The following SYMPK variants were observed in gnomAD, a reference collection of about 807,000 sequenced individuals.
The protein encoded by SYMPK is symplekin.
A neutral mutation model predicts 136.4 loss-of-function variants in SYMPK; 49 were observed. That is an observed-to-expected ratio of 0.36 (90% CI 0.29 to 0.46). The LOEUF is 0.46. SYMPK is among the 20% of genes least tolerant of loss of function. The pLI is 1.00. For missense variants in SYMPK, 1,365 were observed against 1,690.0 expected (o/e 0.81, Z 3.37); for synonymous variants, 766 against 713.0 (o/e 1.07, Z -1.19).
intron 16 of SYMPK, among the ~76,000 whole-genome samples, chr19:45,826,982 C>T (rs1293322150): frequency 2.0e-5 from 3 of 152,202 alleles, no homozygotes; most frequent in African/African-American, 7.2e-5. Flanking sequence ...CAGGTCTCAG[C>T]GTACAAGTCC....
intron 3 of SYMPK, 88 bp from the exon 4 acceptor site, chr19:45,852,623 G>C (rs991446728): frequency 6.7e-7 from 1 of 1,488,910 alleles, no homozygotes; most frequent in Non-Finnish European, 9.4e-7. Context: ...GGGGAAGACA[G>C]CAGAGGGCTA....
At chr19:45,823,313 G>A in intron 20 of SYMPK, 59 bp downstream of exon 20, 1 of 1,538,414 alleles carries the variant, frequency 6.5e-7, no homozygotes, top group Admixed American at 1.7e-5. Flanking sequence ...GTGCTGCCCT[G>A]CCCCTCCCAG....
chr19:45,824,781 G>A (rs1568610240), intron 18 of SYMPK, among the ~76,000 whole-genome samples: 1 of 152,180 alleles, frequency 6.6e-6, no homozygotes. Flanking sequence ...GACAGCTAAA[G>A]AGTCCCGTTA....
In SYMPK at chr19:45,827,915, GA is replaced by G. The variant is rs1327901656; in HGVS notation, c.1988del (p.Ile663ThrfsTer40). The G allele has an allele frequency of 6.2e-7, 1 of 1,613,686 alleles. No individual in the cohort carries two copies. On this transcript the variant is annotated frameshift_variant and splice_region_variant, in exon 15 of 27. Coordinates refer to ENST00000245934, the MANE Select transcript of SYMPK (RefSeq NM_004819.3). LOFTEE classifies it high-confidence loss of function. ...GCGCCTCCAGCACAACCTTGGTGAA[GA>G]TCCTGCCAGAGATGGAGGGAGGGCC... Reference protein sequence around the residue: ...LQEKPDQKDGIFTKVVLEAPL... With the variant: ...LQEKPDQKDGXFTKVVLEAPL...
chr19:45,854,352 C>CTATG, intron 2 of SYMPK, 39 bp downstream of exon 2: 1 of 1,609,396 alleles, frequency 6.2e-7, no homozygotes, highest in Non-Finnish European at 8.5e-7. Flanking sequence ...AAGCCAGGGG[C>CTATG]TATGCTTCCT....
intron 23 of SYMPK, 138 bp downstream of exon 23, chr19:45,817,821 A>AT (rs1409982595): frequency 1.1e-6 from 1 of 906,100 alleles, no homozygotes; most frequent in African/African-American, 1.7e-5. Flanking sequence ...GAGCACTGCT[A>AT]TTTTCTTGGC....
chr19:45,826,119 T>C, intron 17 of SYMPK, 107 bp downstream of exon 17: 1 of 1,481,718 alleles, frequency 6.7e-7, no homozygotes, highest in Non-Finnish European at 9.1e-7. Context: ...TCCTGCCCAT[T>C]CCCGTCACTC....
chr19:45,858,805 G>A (rs1018966903), intron 1 of SYMPK, among the ~76,000 whole-genome samples: 5 of 151,862 alleles, frequency 3.3e-5, no homozygotes, highest in Admixed American at 6.6e-5. Context: ...ATGAGCCACC[G>A]CGCCCGGCCG....
At position 45,816,957 on chromosome 19, in the gene SYMPK, C is replaced by T. The variant is rs1422893005; in HGVS notation, c.3099G>A (p.Lys1033=). The T allele has an allele frequency of 6.4e-7, 1 of 1,561,198 alleles. No individual in the cohort carries two copies. The highest frequency in any genetic ancestry group is 2.4e-5 in the East Asian group (1 of 42,010). The change falls in exon 24 of 27, where the codon AAG becomes AAA. Residue 1033 remains lysine, a synonymous_variant. Transcript: ENST00000245934. ...AGCACTTGATGAAGCCCTCCCACAC[C>T]TTGGGGTACTTCCACACCTGAACCA... The part of the protein sequence containing the change: ...LIMKQVWKYP[K]VWEGFIKCCQ...
rs918503568 is a variant in SYMPK, at chr19:45,821,699, C to T, written c.2792-214G>A. 1.3e-5 allele frequency among the ~76,000 whole-genome samples: 2 copies of T among 152,210 alleles called. No homozygotes were observed. The highest frequency in any genetic ancestry group is 2.9e-5 in the Non-Finnish European group (2 of 68,040). ...CGTGAGGTTGCCACTGTGTGCTCCT[C>T]CCCATCCTGGGCTCCCACCCTGGGT... On this transcript the variant is annotated intron_variant, in intron 21 of 26. Transcript: ENST00000245934. This position sits in a 1 kb window ranked among gnomAD's most constrained non-coding sequence, Gnocchi z 4.4.
Position 45,816,153 on chromosome 19 carries a change from C to A in SYMPK, c.3385G>T (p.Ala1129Ser), listed in dbSNP as rs764717469. 1.3e-6 allele frequency: 2 copies of A among 1,546,816 alleles called. No homozygotes were observed. Among genetic ancestry groups the A allele is most frequent in the African/African-American group, 1.4e-5 (1 of 73,370 alleles). The change falls in exon 26 of 27, where the codon GCC (alanine) becomes TCC (serine). Residue 1129 changes from alanine (A) to serine (S), a missense_variant. This residue lies in a region of SYMPK where 341 missense variants were observed against 270.5 expected (regional missense o/e 1.26). Coordinates refer to ENST00000245934, the MANE Select transcript of SYMPK (RefSeq NM_004819.3). Reference sequence around the variant, plus strand: ...TCCTGAGGGGGCCGGGGTGCTGGGGCCGGGGCCAAGGTCAGGGGCTCCAGA... The same window carrying A: ...TCCTGAGGGGGCCGGGGTGCTGGGGACGGGGCCAAGGTCAGGGGCTCCAGA... ...DDLEPLTLAP[A>S]PAPRPPQDLI...
chr19:45,851,156 G>A (rs1055330390), intron 5 of SYMPK, among the ~76,000 whole-genome samples: 2 of 152,178 alleles, frequency 1.3e-5, no homozygotes, highest in Non-Finnish European at 1.5e-5. Flanking sequence ...ATTTAACAGC[G>A]TCACTCTGGC....
At chr19:45,836,669 T>TA (rs930096340) in intron 10 of SYMPK, among the ~76,000 whole-genome samples, 20 of 151,382 alleles carry the variant, frequency 1.3e-4, no homozygotes, top group Admixed American at 1.2e-3. Flanking sequence ...GACAGGGTCT[T>TA]ACTCTATTGT....
At chr19:45,823,690 C>T in intron 19 of SYMPK, 77 bp downstream of exon 19, 1 of 1,303,648 alleles carries the variant, frequency 7.7e-7, no homozygotes, top group Non-Finnish European at 1.1e-6. Flanking sequence ...GGGGACCCAG[C>T]AGCTCAGATC....
At chr19:45,818,980 G>A (rs940042190) in intron 22 of SYMPK, 1 of 135,840 alleles carries the variant, frequency 7.4e-6, no homozygotes, top group African/African-American at 2.7e-5. Context: ...GAGGCTAATG[G>A]AGAACAGGGG....
intron 17 of SYMPK, 103 bp downstream of exon 17, chr19:45,826,123 G>T (rs959557832): frequency 4.7e-6 from 7 of 1,488,016 alleles, no homozygotes; most frequent in Middle Eastern, 4.6e-4. Context: ...GCCCATTCCC[G>T]TCACTCGTGT....
Position 45,827,636 on chromosome 19 carries a change from G to C in SYMPK, c.2068-13C>G, listed in dbSNP as rs756545907. The C allele has an allele frequency of 6.2e-7, 1 of 1,610,646 alleles. No homozygotes were observed. On this transcript the variant is annotated splice_polypyrimidine_tract_variant and intron_variant, in intron 15 of 26. Coordinates refer to ENST00000245934, the MANE Select transcript of SYMPK (RefSeq NM_004819.3). ...GATAGGTGCGACTCTGCAGCAAAAG[G>C]AAAGGGACCCGAGCTCAGCCCACCT... is the stretch of plus-strand genomic sequence containing the variant.
chr19:45,843,453 G>A (rs947118528), intron 8 of SYMPK, among the ~76,000 whole-genome samples: 1 of 152,032 alleles, frequency 6.6e-6, no homozygotes, highest in African/African-American at 2.4e-5. Context: ...CCCTTTTGGT[G>A]GGGGGAGAGG....
In SYMPK at chr19:45,816,002, C is replaced by T; in HGVS notation, c.3536G>A (p.Arg1179Gln). Residue 1179 changes from arginine to glutamine, a missense_variant, in exon 26 of 27, where the codon CGG becomes CAG. Physicochemically the swap from Arg to Gln is conservative, Grantham distance 43. Transcript: ENST00000245934. The part of the protein sequence containing the change: ...SSSPSPSPSA[R>Q]PGPPPSEEAM... Reference sequence around the variant, plus strand: ...TTCCTCAGACGGGGGCGGGCCTGGCCGGGCCGACGGAGAGGGAGAGGGGGA... The same window carrying T: ...TTCCTCAGACGGGGGCGGGCCTGGCTGGGCCGACGGAGAGGGAGAGGGGGA... 1 of 1,601,892 alleles carries T rather than the reference C, an allele frequency of 6.2e-7. No individual in the cohort carries two copies. Among genetic ancestry groups the T allele is most frequent in the East Asian group, 2.2e-5 (1 of 44,546 alleles).
Sources: allele counts gnomAD v4.1 joint callset (sites outside exome capture counted in the v4.1 genomes callset), GRCh38; gene constraint gnomAD v4.1.1; regional missense constraint gnomAD v4.1.1; non-coding constraint Gnocchi (gnomAD v3.1); transcripts MANE v1.5; gene names NCBI Gene and HGNC (gene_info 2026-07-23, HGNC 2026-07-21).